The following ZNF862 variants were observed in gnomAD, a reference collection of about 807,000 sequenced individuals.
ZNF862 encodes zinc finger protein 862.
In ZNF862, 64 loss-of-function variants were observed where a neutral mutation model predicts 91.1. That is an observed-to-expected ratio of 0.70 (90% CI 0.57 to 0.87). ZNF862 has a LOEUF of 0.87. ZNF862 is among the 40% of genes least tolerant of loss of function. ZNF862 has a pLI of 0.00. For synonymous variants in ZNF862, 631 were observed against 618.1 expected (o/e 1.02, Z -0.31); for missense variants, 1,459 against 1,528.0 (o/e 0.95, Z 0.75).
In ZNF862 at chr7:149,854,963, G is replaced by A. The variant is rs78876958; in HGVS notation, c.1118-4459G>A. On this transcript the variant is annotated intron_variant, in intron 5 of 7. Coordinates refer to ENST00000223210, the MANE Select transcript of ZNF862 (RefSeq NM_001099220.3). ...TGATGACAGTGTGACCTCTCATCCTGTTCAGAGTCCCCTAACCTCAAGGGG... is the reference window on the plus strand; with the variant it reads ...TGATGACAGTGTGACCTCTCATCCTATTCAGAGTCCCCTAACCTCAAGGGG... Among the ~76,000 whole-genome samples the A allele has an allele frequency of 8.4e-3, 1,285 of 152,306 alleles. 8 individuals carry two copies. The highest frequency in any genetic ancestry group is 0.03 in the African/African-American group (1,246 of 41,560).
rs554861201 is a variant in ZNF862, at chr7:149,841,753, T to C, written c.25-2872T>C. 1.0e-5 allele frequency: 10 copies of C among 985,326 alleles called. 1 individual carries two copies. The Middle Eastern group carries it at 2.1e-3, about 206-fold the overall frequency. The allele number at this position is 985,326 out of a possible 1,614,324, so 61.0% of individuals were successfully genotyped here. ...TCAACGTTTCTGTTTCTTGGCCCTC[T>C]CTATCTTTCCTGTACAAGTGACTGA... On this transcript the variant is annotated intron_variant, in intron 1 of 7. Coordinates refer to ENST00000223210, the MANE Select transcript of ZNF862 (RefSeq NM_001099220.3).
intron 4 of ZNF862, among the ~76,000 whole-genome samples, chr7:149,849,144 A>C (rs998397689): frequency 6.6e-6 from 1 of 152,192 alleles, no homozygotes; most frequent in Non-Finnish European, 1.5e-5. Flanking sequence ...TGCACTTGTA[A>C]ACATTGCAGT....
At chr7:149,858,405 TTATTTA>T (rs1213679503) in intron 5 of ZNF862, 1 of 149,956 alleles carries the variant, frequency 6.7e-6, no homozygotes, top group African/African-American at 2.5e-5. Flanking sequence ...AGTAATTTAC[TTATTTA>T]TATTTTTATT....
chr7:149,842,198 A>G (rs944277487), intron 1 of ZNF862, among the ~76,000 whole-genome samples: 1 of 152,192 alleles, frequency 6.6e-6, no homozygotes, highest in Non-Finnish European at 1.5e-5. Flanking sequence ...GTCAGGATCT[A>G]AAGACTGGGA....
In ZNF862 at chr7:149,864,466, C is replaced by T. The variant is rs1802643899; in HGVS notation, c.*182C>T. On this transcript the variant is annotated 3_prime_UTR_variant, in exon 8 of 8. Coordinates refer to ENST00000223210, the MANE Select transcript of ZNF862 (RefSeq NM_001099220.3). ...GAGGTGCATGACCTGTTTCCTGAGG[C>T]CCCACTCAGCACAGCCATGCCTCAC... 2 of 606,902 alleles carry T rather than the reference C, an allele frequency of 3.3e-6. No homozygotes were observed. Among genetic ancestry groups the T allele is most frequent in the Admixed American group, 3.0e-5 (1 of 33,308 alleles). The allele number at this position is 606,902 out of a possible 1,614,324, so 37.6% of individuals were successfully genotyped here.
chr7:149,850,313 G>T lies in ZNF862; in HGVS notation c.1092G>T (p.Met364Ile). The change falls in exon 5 of 8, where the codon ATG becomes ATT. Residue 364 changes from methionine to isoleucine, a missense_variant. By Grantham distance (10) the Met-to-Ile change is conservative (BLOSUM62 1). Transcript: ENST00000223210. This position sits in a 1 kb window ranked among gnomAD's most constrained non-coding sequence, Gnocchi z 4.2. ...QKELYRDVMR[M>I]NYELLASLGP... ...AGCTGTACAGAGACGTGATGCGGAT[G>T]AACTACGAGCTGTTGGCATCCTTGG... is the stretch of plus-strand genomic sequence containing the variant. 1.9e-6 allele frequency: 3 copies of T among 1,613,072 alleles called. No individual in the cohort carries two copies. The highest frequency in any genetic ancestry group is 2.5e-6 in the Non-Finnish European group (3 of 1,179,606).
At chr7:149,844,880 T>G in intron 2 of ZNF862, 144 bp downstream of exon 2, 1 of 616,998 alleles carries the variant, frequency 1.6e-6, no homozygotes, top group Non-Finnish European at 2.9e-6. Context: ...CTCGATCCCG[T>G]ATCTACCTTA....
intron 4 of ZNF862, among the ~76,000 whole-genome samples, chr7:149,848,775 A>G (rs761873916): frequency 5.9e-5 from 9 of 152,132 alleles, no homozygotes; most frequent in Non-Finnish European, 1.3e-4. Flanking sequence ...ACAACCACAA[A>G]ATCACAGAGC....
intron 2 of ZNF862, 114 bp downstream of exon 2, chr7:149,844,850 A>G (rs140965659): frequency 1.4e-6 from 1 of 700,674 alleles, no homozygotes; most frequent in Admixed American, 2.3e-5. Context: ...TTGTCTAGGC[A>G]TCTTTACTCC....
chr7:149,840,692 G>A (rs1041488045), intron 1 of ZNF862, among the ~76,000 whole-genome samples: 3 of 150,518 alleles, frequency 2.0e-5, no homozygotes, highest in East Asian at 1.9e-4. Context: ...GTTTAGATAC[G>A]CAAATACTTA....
At position 149,848,186 on chromosome 7, in the gene ZNF862, G is replaced by A. The variant is rs752206595; in HGVS notation, c.693G>A (p.Pro231=). The A allele has an allele frequency of 2.5e-6, 4 of 1,613,850 alleles. No individual in the cohort carries two copies. The highest frequency in any genetic ancestry group is 2.7e-5 in the African/African-American group (2 of 74,906). ...CACCTGGAGATGTTCTGGCCAGCCC[G>A]GAGCCGCTCTTCACTGCAGATTGCC... The part of the protein sequence containing the change: ...RDPPGDVLAS[P]EPLFTADCPI... Residue 231 remains proline, a synonymous_variant, in exon 4 of 8, where the codon CCG becomes CCA. Transcript: ENST00000223210.
intron 6 of ZNF862, 140 bp downstream of exon 6, chr7:149,859,666 C>G: frequency 1.5e-6 from 1 of 670,262 alleles, no homozygotes. Flanking sequence ...CCTGGGTAGA[C>G]AAGATGAATA....
intron 3 of ZNF862, 120 bp from the exon 4 acceptor site, chr7:149,847,615 G>A (rs1237719998): frequency 3.7e-5 from 24 of 642,442 alleles, no homozygotes; most frequent in South Asian, 1.6e-4. Flanking sequence ...GTGTGTGTGT[G>A]TGTGTGTGTG....
chr7:149,865,823 C>T lies in ZNF862; in HGVS notation c.*1539C>T, dbSNP rs1802697123. 6.6e-6 allele frequency: 1 copy of T among 152,294 alleles called. No individual in the cohort carries two copies. Among genetic ancestry groups the T allele is most frequent in the Admixed American group, 6.5e-5 (1 of 15,284 alleles). 9.4% of individuals were successfully genotyped at this position (152,294 alleles called of 1,614,324 possible). A position where few individuals can be genotyped will look rare whatever the true frequency, so the allele number is the denominator to read the frequency against. On this transcript the variant is annotated 3_prime_UTR_variant, in exon 8 of 8. Coordinates refer to ENST00000223210, the MANE Select transcript of ZNF862 (RefSeq NM_001099220.3). ...GGCCCCTGTGGGTGGGCCCTTTCTC[C>T]ATAGTCTGCCGCTTCCCATTCCCAG... is the stretch of plus-strand genomic sequence containing the variant.
chr7:149,864,128 G>A lies in ZNF862; in HGVS notation c.3354G>A (p.Glu1118=). The A allele has an allele frequency of 6.3e-7, 1 of 1,587,298 alleles. No homozygotes were observed. Among genetic ancestry groups the A allele is most frequent in the Non-Finnish European group, 8.6e-7 (1 of 1,167,048 alleles). ...RSPASARLRK[E]EMGALYVEEP... is the part of the protein sequence containing the mutation. Reference sequence around the variant, plus strand: ...TCACAGGCGCCAGGCTCAGGAAGGAGGAGATGGGAGCCCTCTATGTGGAGG... The same window carrying A: ...TCACAGGCGCCAGGCTCAGGAAGGAAGAGATGGGAGCCCTCTATGTGGAGG... Residue 1118 remains glutamate (E), a synonymous_variant, in exon 8 of 8, where the codon GAG becomes GAA. Coordinates refer to ENST00000223210, the MANE Select transcript of ZNF862 (RefSeq NM_001099220.3).
Position 149,864,164 on chromosome 7 carries a change from C to T in ZNF862, c.3390C>T (p.Thr1130=). ...MGALYVEEPR[T]QKPPILPSRE... is the part of the protein sequence containing the mutation. ...CCCTCTATGTGGAGGAGCCCAGGAC[C>T]CAGAAGCCACCCATCCTGCCCTCCA... Residue 1130 remains threonine, a synonymous_variant, in exon 8 of 8, where the codon ACC becomes ACT. Transcript: ENST00000223210. 1 of 1,595,146 alleles carries T rather than the reference C, an allele frequency of 6.3e-7. No homozygotes were observed. Among genetic ancestry groups the T allele is most frequent in the Non-Finnish European group, 8.5e-7 (1 of 1,171,204 alleles).
rs138763696 is a variant in ZNF862, at chr7:149,841,095, C to A, written c.24+2460C>A. 5.2e-4 allele frequency: 509 copies of A among 985,402 alleles called. 2 individuals are homozygous for A. In the African/African-American group the frequency reaches 8.3e-3, roughly 16 times the overall value. 61.0% of individuals were successfully genotyped at this position (985,402 alleles called of 1,614,324 possible). The stretch of plus-strand genomic sequence containing the variant: ...TTTCTAATATGGGAAATGAGAACTT[C>A]ATACAAGAATGAAATAAAGTAATTA... On this transcript the variant is annotated intron_variant, in intron 1 of 7. Coordinates refer to ENST00000223210, the MANE Select transcript of ZNF862 (RefSeq NM_001099220.3).
At chr7:149,863,108 C>T (rs545871232) in intron 7 of ZNF862, among the ~76,000 whole-genome samples, 51 of 152,122 alleles carry the variant, frequency 3.4e-4, no homozygotes, top group Non-Finnish European at 5.9e-4. Context: ...CTCTCTGGAC[C>T]GGAGGGCTGG....
chr7:149,857,511 C>G (rs1219796973), intron 5 of ZNF862, among the ~76,000 whole-genome samples: 4 of 152,104 alleles, frequency 2.6e-5, no homozygotes, highest in African/African-American at 9.7e-5. Context: ...TTGCTTCCTG[C>G]TGTATTTCAA....
Sources: allele counts gnomAD v4.1 joint callset (sites outside exome capture counted in the v4.1 genomes callset), GRCh38; gene constraint gnomAD v4.1.1; non-coding constraint Gnocchi (gnomAD v3.1); transcripts MANE v1.5; gene names NCBI Gene and HGNC (gene_info 2026-07-23, HGNC 2026-07-21).